C4BPA: variants seen among roughly 807,000 people sequenced by gnomAD.
C4BPA encodes complement component 4 binding protein alpha.
C4BPA carries 31 observed loss-of-function variants against 63.7 expected under a neutral mutation model. That is an observed-to-expected ratio of 0.49 (90% CI 0.37 to 0.66). C4BPA has a LOEUF of 0.66. C4BPA is among the 30% of genes least tolerant of loss of function. The probability of loss-of-function intolerance (pLI) is 0.00; values close to 1 mark genes in which losing one functional copy is unlikely to be tolerated. For missense variants in C4BPA, 572 were observed against 723.3 expected (o/e 0.79, Z 2.40); for synonymous variants, 259 against 254.7 (o/e 1.02, Z -0.16).
intron 7 of C4BPA, among the ~76,000 whole-genome samples, chr1:207,129,326 A>T (rs1444485598): frequency 6.6e-6 from 1 of 151,348 alleles, no homozygotes; most frequent in Admixed American, 6.6e-5. Flanking sequence ...CATATGTATA[A>T]TGAGAGTCCC....
At chr1:207,116,110 C>A (rs923710178) in intron 4 of C4BPA, among the ~76,000 whole-genome samples, 1 of 152,220 alleles carries the variant, frequency 6.6e-6, no homozygotes, top group Non-Finnish European at 1.5e-5. Context: ...TGTCAGACTG[C>A]TTTCCCTAAG....
At chr1:207,106,599 G>A (rs914038059) in intron 1 of C4BPA, among the ~76,000 whole-genome samples, 1 of 150,558 alleles carries the variant, frequency 6.6e-6, no homozygotes, top group Admixed American at 6.6e-5. Flanking sequence ...CCGCCACCAC[G>A]CCCAGCTAAT....
At chr1:207,123,624 C>T (rs751671680) in intron 4 of C4BPA, among the ~76,000 whole-genome samples, 6 of 152,160 alleles carry the variant, frequency 3.9e-5, no homozygotes, top group Non-Finnish European at 7.3e-5. Flanking sequence ...CAGAGACAAC[C>T]ACAGAACACG....
intron 4 of C4BPA, among the ~76,000 whole-genome samples, chr1:207,117,952 C>T (rs760442022): frequency 2.0e-5 from 3 of 152,136 alleles, no homozygotes; most frequent in South Asian, 4.1e-4. Context: ...TTCCTCAGTT[C>T]GTCTTAGTCT....
chr1:207,126,734 A>G lies in C4BPA; in HGVS notation c.728A>G (p.Asp243Gly). ...TTAGAAATCACCTGTCGCAAGCCAG[A>G]TGTTTCACATGGGGAAATGGTCTCT... ...TCEKITCRKP[D>G]VSHGEMVSGF... Residue 243 changes from aspartate to glycine, a missense_variant, in exon 7 of 12, where the codon GAT (aspartate) becomes GGT (glycine). Physicochemically the swap from Asp to Gly is moderately conservative, Grantham distance 94. Transcript: ENST00000367070. 1.2e-6 allele frequency: 2 copies of G among 1,609,746 alleles called. No homozygotes were observed. The highest frequency in any genetic ancestry group is 1.7e-6 in the Non-Finnish European group (2 of 1,177,668).
intron 7 of C4BPA, among the ~76,000 whole-genome samples, chr1:207,130,589 A>G (rs1424009606): frequency 6.6e-6 from 1 of 152,226 alleles, no homozygotes; most frequent in Admixed American, 6.5e-5. Flanking sequence ...GTTTATCCAT[A>G]AAATAGATTA....
At chr1:207,138,048 C>T (rs919784551) in intron 9 of C4BPA, among the ~76,000 whole-genome samples, 3 of 152,126 alleles carry the variant, frequency 2.0e-5, no homozygotes, top group South Asian at 2.1e-4. Flanking sequence ...ATGCCTTGGC[C>T]GAGAGGAAGG....
chr1:207,133,420 C>T (rs1201200401), intron 8 of C4BPA, among the ~76,000 whole-genome samples: 1 of 152,110 alleles, frequency 6.6e-6, no homozygotes, highest in Non-Finnish European at 1.5e-5. Flanking sequence ...AGTATTTCTA[C>T]TAATGAATAA....
At chr1:207,136,601 C>G (rs1404754645) in intron 9 of C4BPA, among the ~76,000 whole-genome samples, 1 of 152,176 alleles carries the variant, frequency 6.6e-6, no homozygotes, top group East Asian at 1.9e-4. Context: ...AGGAAGATTA[C>G]CCCTTACAAA....
chr1:207,131,913 G>A (rs1324707966), intron 8 of C4BPA, among the ~76,000 whole-genome samples, 173 bp downstream of exon 8: 1 of 152,166 alleles, frequency 6.6e-6, no homozygotes, highest in Non-Finnish European at 1.5e-5. Flanking sequence ...TACAGTTTGA[G>A]GCACTGAGAA....
chr1:207,105,387 G>A (rs1449482452), intron 1 of C4BPA, among the ~76,000 whole-genome samples: 1 of 151,822 alleles, frequency 6.6e-6, no homozygotes, highest in Non-Finnish European at 1.5e-5. Context: ...GAGAACCCCT[G>A]TCTCTACTAA....
At chr1:207,105,286 G>A (rs535443886) in intron 1 of C4BPA, among the ~76,000 whole-genome samples, 27 of 152,210 alleles carry the variant, frequency 1.8e-4, no homozygotes, top group South Asian at 1.0e-3. Flanking sequence ...GGCCAGGTAC[G>A]GTGGCTCACT....
At chr1:207,143,186 G>A (rs1164031535) in intron 10 of C4BPA, among the ~76,000 whole-genome samples, 3 of 152,102 alleles carry the variant, frequency 2.0e-5, no homozygotes, top group Non-Finnish European at 4.4e-5. Flanking sequence ...TCCTTTTCAG[G>A]GACATGGATG....
chr1:207,128,543 A>G (rs1214496485), intron 7 of C4BPA, among the ~76,000 whole-genome samples: 6 of 152,160 alleles, frequency 3.9e-5, no homozygotes, highest in Non-Finnish European at 7.4e-5. Context: ...ACAATCAGAT[A>G]AAGATTGCTG....
At chr1:207,142,000 C>G (rs1433352794) in intron 10 of C4BPA, among the ~76,000 whole-genome samples, 2 of 152,036 alleles carry the variant, frequency 1.3e-5, no homozygotes, top group African/African-American at 4.8e-5. Context: ...TACATGTGCC[C>G]TGGTGGTTTG....
intron 1 of C4BPA, among the ~76,000 whole-genome samples, chr1:207,105,216 A>G (rs948377500): frequency 6.6e-6 from 1 of 152,190 alleles, no homozygotes; most frequent in African/African-American, 2.4e-5. Context: ...AAGCTTAGAG[A>G]TATGTTTGAA....
At chr1:207,125,885 G>A (rs1024395284) in intron 6 of C4BPA, among the ~76,000 whole-genome samples, 34 of 152,162 alleles carry the variant, frequency 2.2e-4, no homozygotes, top group Admixed American at 3.9e-4. Context: ...GGATTGTAGA[G>A]GAATTAAAGT....
Position 207,131,727 on chromosome 1 carries a change from C to A in C4BPA, c.1071C>A (p.Tyr357Ter). ...ICQKNLRWTP[Y>*]QGCEALCCPE... ...AGAAAAATTTGAGATGGACCCCATA[C>A]CAAGGATGTGAGGGTGAGTTTTTGT... Residue 357 changes from tyrosine (Y) to a stop codon, truncating the protein, a stop_gained, in exon 8 of 12, where the codon TAC becomes TAA. Coordinates refer to ENST00000367070, the MANE Select transcript of C4BPA (RefSeq NM_000715.4). LOFTEE classifies it high-confidence loss of function. The A allele has an allele frequency of 6.2e-7, 1 of 1,610,720 alleles. No homozygotes were observed. Among genetic ancestry groups the A allele is most frequent in the Non-Finnish European group, 8.5e-7 (1 of 1,178,518 alleles).
chr1:207,118,726 G>C (rs1225710032), intron 4 of C4BPA, among the ~76,000 whole-genome samples: 2 of 152,140 alleles, frequency 1.3e-5, no homozygotes, highest in Admixed American at 6.5e-5. Flanking sequence ...TCTTTCAGTT[G>C]AATTCTCTTA....
Sources: allele counts gnomAD v4.1 joint callset (sites outside exome capture counted in the v4.1 genomes callset), GRCh38; gene constraint gnomAD v4.1.1; transcripts MANE v1.5; gene names NCBI Gene and HGNC (gene_info 2026-07-23, HGNC 2026-07-21).